The following MALRD1 variants were observed in gnomAD, a reference collection of about 807,000 sequenced individuals.
The protein encoded by MALRD1 is MAM and LDL-receptor class A domain-containing protein 1.
In MALRD1, 247 loss-of-function variants were observed where a neutral mutation model predicts 242.1. That is an observed-to-expected ratio of 1.02 (90% CI 0.92 to 1.13). The LOEUF (loss-of-function observed/expected upper bound fraction) is 1.13, where lower values mean the gene tolerates loss of function less well. Among genes scored for constraint, MALRD1 ranks in the 50% most tolerant of loss-of-function variants. The pLI, the probability that MALRD1 is intolerant of heterozygous loss-of-function variation, is 0.00. For synonymous variants in MALRD1, 995 were observed against 866.6 expected (o/e 1.15, Z -2.60); for missense variants, 2,989 against 2,533.1 (o/e 1.18, Z -3.86).
intron 31 of MALRD1, among the ~76,000 whole-genome samples, chr10:19,512,670 C>T (rs1234235300): frequency 6.6e-6 from 1 of 152,162 alleles, no homozygotes; most frequent in East Asian, 1.9e-4. Context: ...TTGAAGGTGG[C>T]AATTGAGTTA....
At chr10:19,554,299 G>A (rs1237052527) in intron 32 of MALRD1, among the ~76,000 whole-genome samples, 1 of 152,108 alleles carries the variant, frequency 6.6e-6, no homozygotes, top group South Asian at 2.1e-4. Flanking sequence ...GAAGGCGAAC[G>A]GGTAGCAGGC....
chr10:19,731,454 A>C (rs1448922292), intron 39 of MALRD1, among the ~76,000 whole-genome samples: 1 of 152,066 alleles, frequency 6.6e-6, no homozygotes, highest in Non-Finnish European at 1.5e-5. Flanking sequence ...TACTACAATG[A>C]AACTATTTAA....
chr10:19,279,335 A>G (rs1840694244), intron 19 of MALRD1, among the ~76,000 whole-genome samples: 1 of 152,286 alleles, frequency 6.6e-6, no homozygotes, highest in African/African-American at 2.4e-5. Context: ...GGCTCACACA[A>G]CCCGTTCTGG....
At chr10:19,398,763 G>A (rs1433943563) in intron 28 of MALRD1, among the ~76,000 whole-genome samples, 1 of 152,140 alleles carries the variant, frequency 6.6e-6, no homozygotes, top group Non-Finnish European at 1.5e-5. Flanking sequence ...AAATATTAGT[G>A]TGCCTTGTCT....
chr10:19,577,056 A>G (rs1290646589), intron 33 of MALRD1, among the ~76,000 whole-genome samples: 1 of 151,142 alleles, frequency 6.6e-6, no homozygotes, highest in Non-Finnish European at 1.5e-5. Flanking sequence ...AAGTCAATAT[A>G]TAACATAGAG....
chr10:19,463,577 TGTGTGTGTGTGTG>T (rs1836056698), intron 29 of MALRD1, among the ~76,000 whole-genome samples: 1 of 150,794 alleles, frequency 6.6e-6, no homozygotes, highest in Non-Finnish European at 1.5e-5. Flanking sequence ...TGTGTGTGTG[TGTGTGTGTGTGTG>T]TATATACTCT....
chr10:19,206,242 TAG>T (rs1836777880), intron 17 of MALRD1, among the ~76,000 whole-genome samples: 1 of 152,062 alleles, frequency 6.6e-6, no homozygotes, highest in Non-Finnish European at 1.5e-5. Context: ...TACATCATCG[TAG>T]AGAGTTTTGC....
chr10:19,421,383 C>T (rs1173130807), intron 28 of MALRD1, among the ~76,000 whole-genome samples: 1 of 152,088 alleles, frequency 6.6e-6, no homozygotes, highest in East Asian at 1.9e-4. Flanking sequence ...GAGAAAGTCA[C>T]TAACTTAAGT....
intron 29 of MALRD1, among the ~76,000 whole-genome samples, chr10:19,463,921 A>G (rs1038409536): frequency 6.6e-6 from 1 of 152,162 alleles, no homozygotes; most frequent in African/African-American, 2.4e-5. Context: ...TGCAGTAGTA[A>G]GGTGGTATCA....
chr10:19,100,484 A>T (rs1836211433), intron 4 of MALRD1, among the ~76,000 whole-genome samples: 1 of 152,164 alleles, frequency 6.6e-6, no homozygotes, highest in South Asian at 2.1e-4. Context: ...TAAGAATGAA[A>T]GGAAAATAGG....
At chr10:19,423,382 GCTT>G (rs1216279538) in intron 28 of MALRD1, among the ~76,000 whole-genome samples, 5 of 151,744 alleles carry the variant, frequency 3.3e-5, no homozygotes, top group Middle Eastern at 6.9e-3. Flanking sequence ...TAATTAAGAA[GCTT>G]ATTATTAAAT....
chr10:19,477,473 TAAATA>T (rs1239154418), intron 29 of MALRD1, among the ~76,000 whole-genome samples: 1 of 151,810 alleles, frequency 6.6e-6, no homozygotes, highest in Non-Finnish European at 1.5e-5. Context: ...AATAAATAAA[TAAATA>T]AATAAATAAA....
At chr10:19,226,945 C>T (rs1429514125) in intron 18 of MALRD1, among the ~76,000 whole-genome samples, 1 of 151,746 alleles carries the variant, frequency 6.6e-6, no homozygotes, top group Non-Finnish European at 1.5e-5. Context: ...TAAAATAATT[C>T]AGAATAAATT....
At chr10:19,635,566 G>GA (rs1224634561) in intron 36 of MALRD1, among the ~76,000 whole-genome samples, 5 of 151,840 alleles carry the variant, frequency 3.3e-5, no homozygotes, top group Non-Finnish European at 7.4e-5. Context: ...AACACGGAAA[G>GA]AAAAAAAGAT....
chr10:19,657,621 G>A (rs1306492847), intron 36 of MALRD1, among the ~76,000 whole-genome samples: 1 of 151,964 alleles, frequency 6.6e-6, no homozygotes, highest in Admixed American at 6.6e-5. Flanking sequence ...TTTTGGTAAA[G>A]CATTTATGAA....
At chr10:19,702,560 C>T (rs1224599770) in intron 38 of MALRD1, among the ~76,000 whole-genome samples, 2 of 152,034 alleles carry the variant, frequency 1.3e-5, no homozygotes, top group Non-Finnish European at 2.9e-5. Context: ...TATATGATTG[C>T]CGAAGATTAT....
At chr10:19,568,004 A>G (rs917668656) in intron 33 of MALRD1, among the ~76,000 whole-genome samples, 2 of 152,282 alleles carry the variant, frequency 1.3e-5, no homozygotes, top group South Asian at 4.1e-4. Context: ...GGTTCACAAG[A>G]ACTGCACAAG....
At chr10:19,300,720 TA>T (rs1841913466) in intron 21 of MALRD1, among the ~76,000 whole-genome samples, 1 of 152,082 alleles carries the variant, frequency 6.6e-6, no homozygotes, top group Non-Finnish European at 1.5e-5. Flanking sequence ...CAATGTGGAT[TA>T]AAACACTTAA....
chr10:19,118,282 TG>T (rs1836942437), intron 5 of MALRD1, among the ~76,000 whole-genome samples: 1 of 152,206 alleles, frequency 6.6e-6, no homozygotes, highest in African/African-American at 2.4e-5. Flanking sequence ...GAGTGATCGA[TG>T]GCTCATGACA....
Sources: gnomAD v4.1 joint callset for allele counts (sites outside exome capture counted in the v4.1 genomes callset) on GRCh38, gnomAD v4.1.1 for gene constraint, MANE v1.5 for transcripts, NCBI Gene and HGNC (gene_info 2026-07-23, HGNC 2026-07-21) for gene names.